SHBG: variants seen among roughly 807,000 people sequenced by gnomAD.
SHBG encodes sex hormone-binding globulin.
Under a neutral mutation model 41.9 loss-of-function variants are expected in SHBG, and 37 were observed. The ratio of observed to expected loss-of-function variants is 0.88; its 90% CI spans 0.68 to 1.16. The LOEUF (loss-of-function observed/expected upper bound fraction) is 1.16, where lower values mean the gene tolerates loss of function less well. Among genes scored for constraint, SHBG ranks in the 50% most tolerant of loss-of-function variants. The pLI is 0.00. For missense variants in SHBG, 466 were observed against 499.9 expected, an observed-to-expected ratio of 0.93 and a Z score of 0.65; for synonymous variants, 217 against 205.8, an observed-to-expected ratio of 1.05 and a Z score of -0.47.
chr17:7,614,261 G>A, intron 1 of SHBG: 6 of 680,466 alleles, frequency 8.8e-6, no homozygotes, highest in Middle Eastern at 3.5e-4. Flanking sequence ...AGGTGCCTTA[G>A]AGGGGTCAAA....
intron 1 of SHBG, among the ~76,000 whole-genome samples, chr17:7,619,076 G>A: frequency 6.6e-6 from 1 of 152,134 alleles, no homozygotes. Context: ...GATCATACGT[G>A]TATTCGTATA....
intron 1 of SHBG, among the ~76,000 whole-genome samples, chr17:7,618,821 G>A (rs552522860): frequency 7.5e-4 from 114 of 152,264 alleles, no homozygotes; most frequent in African/African-American, 2.5e-3. Context: ...TCCCAATTGC[G>A]CAGCCTCAAG....
chr17:7,632,646 C>T (rs765662364), intron 6 of SHBG, 106 bp from the exon 7 acceptor site: 5 of 867,414 alleles, frequency 5.8e-6, no homozygotes, highest in Non-Finnish European at 9.7e-6. Context: ...TAGGTGGAGG[C>T]ATAGCGAAGA....
chr17:7,628,286 T>C (rs1040585170), upstream of SHBG: 7 of 214,542 alleles, frequency 3.3e-5, no homozygotes, highest in African/African-American at 1.4e-4. Context: ...TTTTTGGAGA[T>C]GGTGTATTGC....
Position 7,630,977 on chromosome 17 carries a change from C to A in SHBG, c.393+108C>A. ...TCTACCACTGTCATCTCGTTTAATC[C>A]ACACGAACCCCCACAAAGTAGCTAT... On this transcript the variant is annotated intron_variant, in intron 3 of 7. Transcript: ENST00000380450. The surrounding 1 kb of genome is among the most constrained non-coding windows in gnomAD (Gnocchi z 4.6). 1 of 1,082,210 alleles carries A rather than the reference C, an allele frequency of 9.2e-7. No individual in the cohort carries two copies. The highest frequency in any genetic ancestry group is 1.4e-6 in the Non-Finnish European group (1 of 731,836). The allele number at this position is 1,082,210 out of a possible 1,614,324, so 67.0% of individuals were successfully genotyped here.
chr17:7,623,959 G>A (rs903543670), upstream of SHBG, among the ~76,000 whole-genome samples: 1 of 151,916 alleles, frequency 6.6e-6, no homozygotes, highest in Non-Finnish European at 1.5e-5. Flanking sequence ...TTTTCTTTGG[G>A]TTTGTTTGTT....
upstream of SHBG, chr17:7,627,738 G>C (rs768733721): frequency 5.8e-6 from 8 of 1,373,992 alleles, no homozygotes; most frequent in Non-Finnish European, 8.2e-6. The surrounding 1 kb of genome is among the most constrained non-coding windows in gnomAD (Gnocchi z 4.8). Flanking sequence ...CTGAGAGAGC[G>C]GGGTGGCGGG....
chr17:7,614,607 G>A (rs1387145858), intron 1 of SHBG: 3 of 947,124 alleles, frequency 3.2e-6, no homozygotes, highest in East Asian at 3.3e-5. Context: ...CCAGGCCCCC[G>A]GCGTCTCCCC....
upstream of SHBG, chr17:7,627,693 C>G (rs770887626): frequency 4.4e-5 from 70 of 1,586,576 alleles, no homozygotes; most frequent in Non-Finnish European, 6.0e-5. This position sits in a 1 kb window ranked among gnomAD's most constrained non-coding sequence, Gnocchi z 4.8. Flanking sequence ...CAACTAGACC[C>G]CTTAAAGGGC....
intron 1 of SHBG, among the ~76,000 whole-genome samples, chr17:7,617,148 TA>T (rs992287428): frequency 1.3e-4 from 20 of 152,042 alleles, no homozygotes; most frequent in African/African-American, 4.1e-4. Context: ...AATTTACTTT[TA>T]TTTTTTTTTT....
At chr17:7,626,285 C>A, upstream of SHBG, 1 of 706,162 alleles carries the variant, frequency 1.4e-6, no homozygotes, top group Non-Finnish European at 2.4e-6. Flanking sequence ...GAAGAAAGGT[C>A]TCTCCCTCAA....
In SHBG at chr17:7,630,303, C is replaced by T. The variant is rs1320204469; in HGVS notation, c.111+20C>T. The T allele has an allele frequency of 6.2e-7, 1 of 1,600,268 alleles. No individual in the cohort carries two copies. Among genetic ancestry groups the T allele is most frequent in the South Asian group, 1.1e-5 (1 of 90,666 alleles). ...ACCCAGGTGCAGGAGCGGGACAGGG[C>T]ACTCAGCTCATGCAGTCTTCCCTTC... is the stretch of plus-strand genomic sequence containing the variant. On this transcript the variant is annotated intron_variant, in intron 1 of 7. Transcript: ENST00000380450. This position sits in a 1 kb window ranked among gnomAD's most constrained non-coding sequence, Gnocchi z 4.6.
At chr17:7,620,941 C>T (rs1448473824) in intron 1 of SHBG, among the ~76,000 whole-genome samples, 1 of 151,554 alleles carries the variant, frequency 6.6e-6, no homozygotes, top group Non-Finnish European at 1.5e-5. Flanking sequence ...AAAAATTTTG[C>T]TTTCATTAGC....
At chr17:7,625,963 C>T (rs1018642363), upstream of SHBG, among the ~76,000 whole-genome samples, 6 of 150,960 alleles carry the variant, frequency 4.0e-5, no homozygotes, top group South Asian at 6.3e-4. Flanking sequence ...CAGCACTTTT[C>T]GAGGCCGAGG....
upstream of SHBG, among the ~76,000 whole-genome samples, chr17:7,625,638 C>T (rs2072183336): frequency 1.3e-5 from 2 of 151,936 alleles, no homozygotes; most frequent in African/African-American, 2.4e-5. Context: ...CACCTGTAAT[C>T]CCAGCACTTT....
intron 1 of SHBG, among the ~76,000 whole-genome samples, chr17:7,622,860 T>A (rs1401303485): frequency 1.4e-5 from 2 of 141,838 alleles, no homozygotes; most frequent in Non-Finnish European, 3.1e-5. Context: ...AAACCCCGTC[T>A]CAACTAAAAA....
chr17:7,626,907 T>A (rs2072227575), upstream of SHBG: 1 of 1,597,916 alleles, frequency 6.3e-7, no homozygotes. Context: ...TGTGGGGTGC[T>A]TTGCTCCCAC....
At chr17:7,615,161 A>G (rs1212978593) in intron 1 of SHBG, among the ~76,000 whole-genome samples, 2 of 151,348 alleles carry the variant, frequency 1.3e-5, no homozygotes, top group Non-Finnish European at 2.9e-5. Flanking sequence ...AGGGGGAGGG[A>G]GGGGCCGGGC....
At chr17:7,629,171 G>A (rs188187343), upstream of SHBG, among the ~76,000 whole-genome samples, 756 of 152,018 alleles carry the variant, frequency 5.0e-3, 1 homozygote, top group Middle Eastern at 0.027. Context: ...TCAGAGGTTC[G>A]AGATCAGCCT....
Sources: gnomAD v4.1 joint callset for allele counts (sites outside exome capture counted in the v4.1 genomes callset) on GRCh38, gnomAD v4.1.1 for gene constraint, Gnocchi (gnomAD v3.1) non-coding constraint, MANE v1.5 for transcripts, NCBI Gene and HGNC (gene_info 2026-07-23, HGNC 2026-07-21) for gene names.